EXT1: variants seen among roughly 807,000 people sequenced by gnomAD.
The protein encoded by EXT1 is exostosin-1.
In EXT1, 20 loss-of-function variants were observed where a neutral mutation model predicts 82.5. The ratio of observed to expected loss-of-function variants is 0.24; its 90% CI spans 0.17 to 0.35. The LOEUF (loss-of-function observed/expected upper bound fraction) is 0.35, where lower values mean the gene tolerates loss of function less well. Among genes scored for constraint, EXT1 ranks in the 10% least tolerant of loss-of-function variants. The pLI is 1.00. For missense variants in EXT1, 757 were observed against 936.5 expected, an observed-to-expected ratio of 0.81 and a Z score of 2.50; for synonymous variants, 348 against 350.8, an observed-to-expected ratio of 0.99 and a Z score of 0.09.
At chr8:118,092,931 T>C (rs1817548354) in intron 1 of EXT1, among the ~76,000 whole-genome samples, 2 of 152,138 alleles carry the variant, frequency 1.3e-5, no homozygotes, top group African/African-American at 4.8e-5. Context: ...AGGAGCAAAC[T>C]GAGAAAGCTC....
intron 1 of EXT1, among the ~76,000 whole-genome samples, chr8:117,929,018 T>G (rs945702192): frequency 1.3e-5 from 2 of 152,176 alleles, no homozygotes; most frequent in Admixed American, 6.5e-5. Flanking sequence ...TCATTTGCAT[T>G]AAGTCTGAAT....
chr8:118,040,214 C>G (rs1040009059), intron 1 of EXT1, among the ~76,000 whole-genome samples: 16 of 152,134 alleles, frequency 1.1e-4, no homozygotes, highest in African/African-American at 3.1e-4. Context: ...CCGCAAACCA[C>G]AGATTCATAC....
intron 1 of EXT1, among the ~76,000 whole-genome samples, chr8:117,871,835 G>C (rs543554018): frequency 1.3e-5 from 2 of 152,186 alleles, no homozygotes; most frequent in Admixed American, 1.3e-4. Flanking sequence ...AGGAATTGGA[G>C]AAAAAATAAG....
chr8:117,991,944 A>T (rs1815443342), intron 1 of EXT1, among the ~76,000 whole-genome samples: 1 of 152,228 alleles, frequency 6.6e-6, no homozygotes, highest in African/African-American at 2.4e-5. Flanking sequence ...GGCACTGAGC[A>T]AGAAGTCTAC....
intron 1 of EXT1, among the ~76,000 whole-genome samples, chr8:117,912,063 G>A (rs2129992006): frequency 6.6e-6 from 1 of 152,034 alleles, no homozygotes; most frequent in South Asian, 2.1e-4. Flanking sequence ...TAATTTTTAG[G>A]CACCTGAAGA....
Position 117,807,227 on chromosome 8 carries a change from T to G in EXT1, c.1873A>C (p.Ile625Leu), listed in dbSNP as rs773393953. 6.2e-7 allele frequency: 1 copy of G among 1,614,084 alleles called. No homozygotes were observed. The highest frequency in any genetic ancestry group is 1.7e-5 in the Admixed American group (1 of 59,996). Residue 625 changes from isoleucine (I) to leucine (L), a missense_variant, in exon 9 of 11, where the codon ATT (isoleucine) becomes CTT (leucine). By Grantham distance (5) the Ile-to-Leu change is conservative (BLOSUM62 2). Transcript: ENST00000378204. The part of the protein sequence containing the change: ...DYSMVLTGAA[I>L]YHKYYHYLYS... Reference sequence around the variant, plus strand: ...GTCCAGATTCCTCACTTGTGGTAAATAGCAGCTCCTGTCAACACCATGGAG... The same window carrying G: ...GTCCAGATTCCTCACTTGTGGTAAAGAGCAGCTCCTGTCAACACCATGGAG...
chr8:118,087,386 C>T lies in EXT1; in HGVS notation c.962+22699G>A, dbSNP rs6990957. Among the ~76,000 whole-genome samples the T allele has an allele frequency of 6.7e-3, 1,013 of 152,222 alleles. 9 individuals carry two copies. Among genetic ancestry groups the T allele is most frequent in the African/African-American group, 0.022 (913 of 41,528 alleles). On this transcript the variant is annotated intron_variant, in intron 1 of 10. Transcript: ENST00000378204. ...CAGATTGGAGGTACAGTTTTCAAAA[C>T]AGCTATTAGACATTGTCAGGGATCT... is the stretch of plus-strand genomic sequence containing the variant.
intron 1 of EXT1, among the ~76,000 whole-genome samples, chr8:118,017,040 G>A (rs944945709): frequency 6.6e-6 from 1 of 152,158 alleles, no homozygotes; most frequent in Non-Finnish European, 1.5e-5. Flanking sequence ...AATGAAAGAA[G>A]GAAGGAATAT....
At chr8:117,899,398 A>G (rs922773508) in intron 1 of EXT1, among the ~76,000 whole-genome samples, 4 of 152,264 alleles carry the variant, frequency 2.6e-5, no homozygotes, top group Non-Finnish European at 5.9e-5. Flanking sequence ...CTTAAGAACC[A>G]GCTTCATCTC....
In EXT1 at chr8:117,804,897, TA is replaced by T; in HGVS notation, c.1884-5del. 6.2e-7 allele frequency: 1 copy of T among 1,613,916 alleles called. No individual in the cohort carries two copies. The highest frequency in any genetic ancestry group is 8.5e-7 in the Non-Finnish European group (1 of 1,179,842). On this transcript the variant is annotated splice_region_variant and splice_polypyrimidine_tract_variant and intron_variant, in intron 9 of 10. Transcript: ENST00000378204. The stretch of plus-strand genomic sequence containing the variant: ...GGAGTATAGGTAGTGATAATATCTG[TA>T]AAAATCAAAGATGGGTTTCACAGGG...
intron 8 of EXT1, among the ~76,000 whole-genome samples, chr8:117,809,327 G>A (rs200609579): frequency 6.8e-6 from 1 of 148,010 alleles, no homozygotes; most frequent in African/African-American, 2.5e-5. Context: ...AATATGGCTT[G>A]TTCCCCAAAA....
At chr8:117,963,145 G>A (rs923682899) in intron 1 of EXT1, among the ~76,000 whole-genome samples, 2 of 152,296 alleles carry the variant, frequency 1.3e-5, no homozygotes, top group African/African-American at 4.8e-5. Context: ...AGGGGATTGA[G>A]GTGTTGAGTT....
chr8:118,001,736 C>A (rs1815671330), intron 1 of EXT1, among the ~76,000 whole-genome samples: 1 of 152,048 alleles, frequency 6.6e-6, no homozygotes, highest in South Asian at 2.1e-4. Flanking sequence ...ACCAGTGATT[C>A]CAAGAACAGG....
At chr8:117,831,629 T>C (rs1812099889) in intron 3 of EXT1, 1 of 471,036 alleles carries the variant, frequency 2.1e-6, no homozygotes, top group Admixed American at 2.3e-5. Flanking sequence ...CCATAACATA[T>C]GACTAATCCG....
At chr8:118,081,666 A>AG (rs1356928359) in intron 1 of EXT1, among the ~76,000 whole-genome samples, 1 of 152,196 alleles carries the variant, frequency 6.6e-6, no homozygotes, top group African/African-American at 2.4e-5. Flanking sequence ...ACTGAGTCCC[A>AG]GGAGGAGATG....
intron 1 of EXT1, among the ~76,000 whole-genome samples, chr8:117,881,952 G>A (rs1424597675): frequency 3.3e-5 from 5 of 152,282 alleles, no homozygotes; most frequent in South Asian, 4.1e-4. Flanking sequence ...TTCTACAGAC[G>A]TTATTCTGGT....
chr8:117,998,084 G>A (rs1317003486), intron 1 of EXT1, among the ~76,000 whole-genome samples: 2 of 150,362 alleles, frequency 1.3e-5, no homozygotes, highest in Non-Finnish European at 2.9e-5. Flanking sequence ...CTCGATCTTG[G>A]CTCACTGCAA....
chr8:117,808,477 C>T (rs540098589), intron 8 of EXT1, among the ~76,000 whole-genome samples: 7 of 152,338 alleles, frequency 4.6e-5, no homozygotes, highest in African/African-American at 7.2e-5. Context: ...AAATGTGCTA[C>T]GTACTTTATC....
At chr8:118,011,777 T>C (rs6984750) in intron 1 of EXT1, among the ~76,000 whole-genome samples, 5,596 of 152,308 alleles carry the variant, frequency 0.037, 324 homozygotes, top group African/African-American at 0.12. Flanking sequence ...CATGTCTCCA[T>C]GACAAGCCGT....
Sources: gnomAD v4.1 joint callset for allele counts (sites outside exome capture counted in the v4.1 genomes callset) on GRCh38, gnomAD v4.1.1 for gene constraint, MANE v1.5 for transcripts, NCBI Gene and HGNC (gene_info 2026-07-23, HGNC 2026-07-21) for gene names.